The following ZNF25 variants were observed in gnomAD, a reference collection of about 807,000 sequenced individuals.
The protein encoded by ZNF25 is zinc finger protein 25, also known as zinc finger protein 25 (KOX 19).
A neutral mutation model predicts 30.9 loss-of-function variants in ZNF25; 21 were observed. The observed-to-expected ratio is 0.68, with a 90% CI of 0.48 to 0.98. ZNF25 has a LOEUF of 0.98. Ranked by LOEUF, ZNF25 falls within the 50% of genes least tolerant of loss-of-function variation. The probability of loss-of-function intolerance (pLI) is 0.00; values close to 1 mark genes in which losing one functional copy is unlikely to be tolerated. For missense variants in ZNF25, 501 were observed against 529.9 expected (o/e 0.95, Z 0.54); for synonymous variants, 169 against 181.3 (o/e 0.93, Z 0.55).
At position 37,956,379 on chromosome 10, in the gene ZNF25, T is replaced by C. The variant is rs534732792; in HGVS notation, c.238+641A>G. 2.6e-5 allele frequency among the ~76,000 whole-genome samples: 4 copies of C among 152,296 alleles called. No individual in the cohort carries two copies. The South Asian group carries it at 8.3e-4, about 32-fold the overall frequency. On this transcript the variant is annotated intron_variant, in intron 4 of 5. Transcript: ENST00000302609. Reference sequence around the variant, plus strand: ...CGTTATAAGTCAGATTTACAAACACTTTATAGTTGCATACTCTAATGGCAG... The same window carrying C: ...CGTTATAAGTCAGATTTACAAACACCTTATAGTTGCATACTCTAATGGCAG...
intron 2 of ZNF25, among the ~76,000 whole-genome samples, chr10:37,961,644 A>C (rs1431919886): frequency 6.6e-6 from 1 of 152,186 alleles, no homozygotes; most frequent in Non-Finnish European, 1.5e-5. Context: ...TAATAGGGCC[A>C]GGTGTGGTGG....
chr10:37,966,269 C>A (rs1401803959), intron 2 of ZNF25, among the ~76,000 whole-genome samples: 1 of 151,970 alleles, frequency 6.6e-6, no homozygotes, highest in Non-Finnish European at 1.5e-5. Context: ...AAAAAATTAG[C>A]CAGGCATGGT....
At chr10:37,972,670 G>C (rs752620136) in intron 1 of ZNF25, among the ~76,000 whole-genome samples, 8 of 152,130 alleles carry the variant, frequency 5.3e-5, no homozygotes, top group Non-Finnish European at 1.0e-4. Context: ...GGTAGCAAAA[G>C]GCAACTACGT....
chr10:37,952,679 G>C lies in ZNF25; in HGVS notation c.819C>G (p.Leu273=), dbSNP rs774020838. The change falls in exon 6 of 6, where the codon CTC becomes CTG. Residue 273 remains leucine (L), a synonymous_variant. Coordinates refer to ENST00000302609, the MANE Select transcript of ZNF25 (RefSeq NM_145011.4). ...CGKAFSQKSH[L]TVHQRMHTGE... ...CTGTGTGCATTCTCTGATGTACTGT[G>C]AGGTGTGACTTCTGGGAAAAGGCTT... The C allele has an allele frequency of 6.8e-6, 11 of 1,613,584 alleles. No homozygotes were observed. The highest frequency in any genetic ancestry group is 1.7e-5 in the Admixed American group (1 of 59,966).
chr10:37,962,688 A>T (rs1415764720), intron 2 of ZNF25, among the ~76,000 whole-genome samples: 7 of 152,202 alleles, frequency 4.6e-5, no homozygotes, highest in Admixed American at 2.6e-4. Context: ...CAAGATAAAA[A>T]ATACATGTTA....
At chr10:37,967,943 T>C (rs958746552) in intron 2 of ZNF25, 1 of 152,260 alleles carries the variant, frequency 6.6e-6, no homozygotes, top group South Asian at 2.1e-4. Flanking sequence ...GATTCTTCTA[T>C]ATGACACCAA....
chr10:37,969,355 G>A (rs1414260415), intron 2 of ZNF25, among the ~76,000 whole-genome samples: 2 of 152,152 alleles, frequency 1.3e-5, no homozygotes, highest in Non-Finnish European at 2.9e-5. Flanking sequence ...TAACCAAAAA[G>A]TGGAAACCAC....
At chr10:37,972,525 G>A (rs1229676025) in intron 1 of ZNF25, among the ~76,000 whole-genome samples, 1 of 152,112 alleles carries the variant, frequency 6.6e-6, no homozygotes, top group African/African-American at 2.4e-5. Context: ...CTCAAAACTT[G>A]GGCTGGGCCT....
In ZNF25 at chr10:37,957,695, T is replaced by C. The variant is rs931070758; in HGVS notation, c.16-149A>G. 22 of 805,580 alleles carry C rather than the reference T, an allele frequency of 2.7e-5. No individual in the cohort carries two copies. The East Asian group carries it at 3.4e-4, about 13-fold the overall frequency. The allele number at this position is 805,580 out of a possible 1,614,324, so 49.9% of individuals were successfully genotyped here. A position where few individuals can be genotyped will look rare whatever the true frequency, so the allele number is the denominator to read the frequency against. ...GCCATGCTGTACCCTGCTTTATTCATAGAAGGAATATTTGTTCATTACATA... is the reference window on the plus strand; with the variant it reads ...GCCATGCTGTACCCTGCTTTATTCACAGAAGGAATATTTGTTCATTACATA... On this transcript the variant is annotated intron_variant, in intron 2 of 5. Transcript: ENST00000302609.
rs571054110 is a variant in ZNF25, at chr10:37,951,405, T to G, written c.*722A>C. 4 of 152,334 alleles carry G rather than the reference T, an allele frequency of 2.6e-5. No individual in the cohort carries two copies. Among genetic ancestry groups the G allele is most frequent in the African/African-American group, 9.6e-5 (4 of 41,468 alleles). The allele number at this position is 152,334 out of a possible 1,614,324, so 9.4% of individuals were successfully genotyped here. On this transcript the variant is annotated 3_prime_UTR_variant, in exon 6 of 6. Transcript: ENST00000302609. ...TATATGCTAACAGACATTTAATGTA[T>G]GTTTAATGATGTTGCCTGATAACTT...
chr10:37,961,776 C>G (rs2062889442), intron 2 of ZNF25, among the ~76,000 whole-genome samples: 1 of 151,712 alleles, frequency 6.6e-6, no homozygotes, highest in South Asian at 2.1e-4. Flanking sequence ...ACAAAATTAG[C>G]CAGGCGTGGT....
chr10:37,952,145 CTT>C lies in ZNF25; in HGVS notation c.1351_1352del (p.Lys451GlufsTer4), dbSNP rs1304419821. On this transcript the variant is annotated frameshift_variant, in exon 6 of 6. Coordinates refer to ENST00000302609, the MANE Select transcript of ZNF25 (RefSeq NM_145011.4). LOFTEE classifies it low-confidence loss of function (END_TRUNC). Reference protein sequence around the residue: ...LTAHQKTHTKKRNAEK With the variant: ...LTAHQKTHTKXRNAEK ...ACTCATCTTACTTCTCAGCATTCCT[CTT>C]CTTTGTGTGTGTCTTCTGATGTGCA... is the stretch of plus-strand genomic sequence containing the variant. The C allele has an allele frequency of 1.3e-6, 2 of 1,570,538 alleles. No individual in the cohort carries two copies. The highest frequency in any genetic ancestry group is 2.7e-5 in the African/African-American group (2 of 72,988).
At chr10:37,962,241 CAAAAA>C (rs34341090) in intron 2 of ZNF25, among the ~76,000 whole-genome samples, 1 of 86,456 alleles carries the variant, frequency 1.2e-5, no homozygotes, top group Admixed American at 1.3e-4. Flanking sequence ...ACTTCCATCT[CAAAAA>C]AAAAAAAAAA....
At chr10:37,960,619 A>G (rs2254918) in intron 2 of ZNF25, among the ~76,000 whole-genome samples, 108,331 of 124,256 alleles carry the variant, frequency 0.87, 47,399 homozygotes, top group South Asian at 0.93. Context: ...GCAAGACTCC[A>G]TCTCAAAAAA....
At position 37,976,511 on chromosome 10, in the gene ZNF25, G is replaced by A. The variant is rs1239197359; in HGVS notation, c.-91C>T. ...CGCAAAAGCCTTCGACACACCTGCA[G>A]GGTCTCGGCCTCTGCTCCCGGCCCG... On this transcript the variant is annotated 5_prime_UTR_variant, in exon 1 of 6. Coordinates refer to ENST00000302609, the MANE Select transcript of ZNF25 (RefSeq NM_145011.4). 1.3e-5 allele frequency: 2 copies of A among 152,280 alleles called. No individual in the cohort carries two copies. Among genetic ancestry groups the A allele is most frequent in the East Asian group, 1.9e-4 (1 of 5,188 alleles). The allele number at this position is 152,280 out of a possible 1,614,324, so 9.4% of individuals were successfully genotyped here.
At chr10:37,967,421 CTT>C (rs34878046) in intron 2 of ZNF25, among the ~76,000 whole-genome samples, 1 of 145,036 alleles carries the variant, frequency 6.9e-6, no homozygotes, top group Non-Finnish European at 1.5e-5. Context: ...TGATTTTCTT[CTT>C]TTTTTTTTTT....
At chr10:37,957,618 C>T (rs1334924632) in intron 2 of ZNF25, 72 bp from the exon 3 acceptor site, 4 of 1,504,130 alleles carry the variant, frequency 2.7e-6, no homozygotes, top group East Asian at 2.3e-5. Context: ...GACATGTGAA[C>T]TAGCTCTTAG....
At chr10:37,964,805 G>C (rs2063091607) in intron 2 of ZNF25, among the ~76,000 whole-genome samples, 1 of 152,204 alleles carries the variant, frequency 6.6e-6, no homozygotes, top group Non-Finnish European at 1.5e-5. Flanking sequence ...TTGCTAGAGA[G>C]ATTAGCATGA....
rs897990282 is a variant in ZNF25 at position 37,951,404 on chromosome 10, A to G, written c.*723T>C. 6 of 152,304 alleles carry G rather than the reference A, an allele frequency of 3.9e-5. No individual in the cohort carries two copies. The highest frequency in any genetic ancestry group is 8.8e-5 in the Non-Finnish European group (6 of 68,034). The allele number at this position is 152,304 out of a possible 1,614,324, so 9.4% of individuals were successfully genotyped here. ...CTATATGCTAACAGACATTTAATGT[A>G]TGTTTAATGATGTTGCCTGATAACT... On this transcript the variant is annotated 3_prime_UTR_variant, in exon 6 of 6. Transcript: ENST00000302609.
Sources: allele counts gnomAD v4.1 joint callset (sites outside exome capture counted in the v4.1 genomes callset), GRCh38; gene constraint gnomAD v4.1.1; transcripts MANE v1.5; gene names NCBI Gene and HGNC (gene_info 2026-07-23, HGNC 2026-07-21).